The following ATP13A5 variants were observed in gnomAD, a reference collection of about 807,000 sequenced individuals.
The protein encoded by ATP13A5 is probable cation-transporting ATPase 13A5.
ATP13A5 carries 149 observed loss-of-function variants against 150.2 expected under a neutral mutation model. The ratio of observed to expected loss-of-function variants is 0.99; its 90% CI spans 0.87 to 1.14. The LOEUF is 1.14. ATP13A5 is among the 50% of genes most tolerant of loss of function. The pLI is 0.00. For synonymous variants in ATP13A5, 497 were observed against 522.2 expected, an observed-to-expected ratio of 0.95 and a Z score of 0.66; for missense variants, 1,383 against 1,449.3, an observed-to-expected ratio of 0.95 and a Z score of 0.74.
At chr3:193,349,745 T>A (rs1712490883) in intron 7 of ATP13A5, among the ~76,000 whole-genome samples, 1 of 152,150 alleles carries the variant, frequency 6.6e-6, no homozygotes, top group Non-Finnish European at 1.5e-5. Context: ...AATATCAATA[T>A]AACTCCAGAA....
chr3:193,376,150 TATC>T (rs1713634152), intron 1 of ATP13A5, among the ~76,000 whole-genome samples: 1 of 152,222 alleles, frequency 6.6e-6, no homozygotes. Flanking sequence ...TTTCAAAATT[TATC>T]ATCAGGCTAC....
At chr3:193,299,313 C>T in intron 24 of ATP13A5, 110 bp from the exon 25 acceptor site, 1 of 744,480 alleles carries the variant, frequency 1.3e-6, no homozygotes, top group South Asian at 2.1e-5. Context: ...CTTTTTTTTC[C>T]CTCTTCAGGA....
chr3:193,327,211 C>A (rs1719497517), intron 12 of ATP13A5, among the ~76,000 whole-genome samples, 154 bp from the exon 13 acceptor site: 1 of 152,078 alleles, frequency 6.6e-6, no homozygotes, highest in Admixed American at 6.5e-5. Flanking sequence ...GAGAGGAGTA[C>A]CCACAAGAAA....
At chr3:193,278,739 T>G (rs780643219) in intron 28 of ATP13A5, among the ~76,000 whole-genome samples, 8 of 152,176 alleles carry the variant, frequency 5.3e-5, no homozygotes, top group South Asian at 2.1e-4. Flanking sequence ...CTGTCTGTCT[T>G]CACACTCTTT....
At chr3:193,307,195 G>A (rs555209121) in intron 22 of ATP13A5, 132 bp downstream of exon 22, 2 of 1,540,742 alleles carry the variant, frequency 1.3e-6, no homozygotes, top group African/African-American at 1.4e-5. Flanking sequence ...CTCAGGTAGA[G>A]GTGGATATAA....
At chr3:193,363,481 A>G (rs1309280660) in intron 2 of ATP13A5, 99 bp from the exon 3 acceptor site, 3 of 1,091,464 alleles carry the variant, frequency 2.7e-6, no homozygotes, top group Non-Finnish European at 3.9e-6. Flanking sequence ...TTTGACCCAA[A>G]CAAGCGCATC....
intron 9 of ATP13A5, among the ~76,000 whole-genome samples, chr3:193,342,993 A>C (rs966409473): frequency 2.6e-5 from 4 of 152,198 alleles, no homozygotes; most frequent in Non-Finnish European, 5.9e-5. Flanking sequence ...TTTTGTAATT[A>C]TACTGAACAT....
intron 25 of ATP13A5, among the ~76,000 whole-genome samples, chr3:193,291,938 G>C (rs1287695489): frequency 6.6e-6 from 1 of 152,094 alleles, no homozygotes; most frequent in African/African-American, 2.4e-5. Flanking sequence ...ACTTTCCTGA[G>C]TTCTGTAAAT....
chr3:193,307,392 G>T lies in ATP13A5; in HGVS notation c.2526-23C>A, dbSNP rs745342887. 8.7e-6 allele frequency: 14 copies of T among 1,613,090 alleles called. No individual in the cohort carries two copies. In the African/African-American group the frequency reaches 1.6e-4, roughly 18 times the overall value. Reference sequence around the variant, plus strand: ...TAACTGCGGGAGACAGGAGAAGAAGGATTAATAGGTAAGAAAAATGAACAG... The same window carrying T: ...TAACTGCGGGAGACAGGAGAAGAAGTATTAATAGGTAAGAAAAATGAACAG... On this transcript the variant is annotated intron_variant, in intron 21 of 29. Transcript: ENST00000342358.
chr3:193,291,241 T>C (rs1717942021), intron 25 of ATP13A5, among the ~76,000 whole-genome samples: 1 of 152,118 alleles, frequency 6.6e-6, no homozygotes. Flanking sequence ...AGTCTTTACC[T>C]ATACCAGATC....
intron 9 of ATP13A5, among the ~76,000 whole-genome samples, chr3:193,339,954 AGTC>A (rs1195654660): frequency 6.6e-6 from 1 of 152,214 alleles, no homozygotes; most frequent in Non-Finnish European, 1.5e-5. Context: ...CAGAGATAAT[AGTC>A]AGATGATTTT....
intron 1 of ATP13A5, 115 bp from the exon 2 acceptor site, chr3:193,364,395 G>A: frequency 7.9e-7 from 1 of 1,260,182 alleles, no homozygotes; most frequent in Non-Finnish European, 1.1e-6. Flanking sequence ...GACAAATCTG[G>A]TTATAGGTGG....
intron 5 of ATP13A5, among the ~76,000 whole-genome samples, chr3:193,356,502 TG>T (rs1440750664): frequency 2.6e-5 from 4 of 152,092 alleles, no homozygotes; most frequent in African/African-American, 7.2e-5. Flanking sequence ...CCCAGCTACT[TG>T]GGAGGCTGAG....
chr3:193,344,616 G>T (rs538782726), intron 8 of ATP13A5, among the ~76,000 whole-genome samples: 34 of 152,286 alleles, frequency 2.2e-4, no homozygotes, highest in Non-Finnish European at 4.6e-4. Context: ...GGGATAGTTA[G>T]ACTGGGAAAT....
chr3:193,292,000 C>A (rs1717972157), intron 25 of ATP13A5, among the ~76,000 whole-genome samples: 1 of 152,052 alleles, frequency 6.6e-6, no homozygotes, highest in Non-Finnish European at 1.5e-5. Flanking sequence ...AAGTTTGTAG[C>A]CAACTAATCA....
chr3:193,312,036 C>T (rs1718872070), intron 19 of ATP13A5, 95 bp from the exon 20 acceptor site: 2 of 1,495,788 alleles, frequency 1.3e-6, no homozygotes, highest in Non-Finnish European at 1.8e-6. Flanking sequence ...TGTTGCCTAA[C>T]AGTGTGAAGG....
Position 193,284,990 on chromosome 3 carries a change from G to GGTA in ATP13A5, c.3149_3150insTAC (p.Thr1052dup). On this transcript the variant is annotated inframe_insertion, in exon 27 of 30. Coordinates refer to ENST00000342358, the MANE Select transcript of ATP13A5 (RefSeq NM_198505.4). ...CTACTGTGATATAGTTGATGGTGGT[G>GGTA]ATGGGCCACAGTGTGGTGGTCTCAA... 6.2e-7 allele frequency: 1 copy of GGTA among 1,614,096 alleles called. No individual in the cohort carries two copies. Among genetic ancestry groups the GGTA allele is most frequent in the Non-Finnish European group, 8.5e-7 (1 of 1,179,980 alleles).
intron 5 of ATP13A5, among the ~76,000 whole-genome samples, chr3:193,355,083 C>G (rs1298942722): frequency 6.6e-6 from 1 of 151,970 alleles, no homozygotes; most frequent in Non-Finnish European, 1.5e-5. Context: ...CAGGCATGCA[C>G]CATCATGCCA....
At chr3:193,364,842 T>A (rs368671963) in intron 1 of ATP13A5, among the ~76,000 whole-genome samples, 1 of 152,188 alleles carries the variant, frequency 6.6e-6, no homozygotes, top group Non-Finnish European at 1.5e-5. Context: ...GAATTACTCG[T>A]GGATATGAAA....
Sources: allele counts gnomAD v4.1 joint callset (sites outside exome capture counted in the v4.1 genomes callset), GRCh38; gene constraint gnomAD v4.1.1; transcripts MANE v1.5; gene names NCBI Gene and HGNC (gene_info 2026-07-23, HGNC 2026-07-21).